Variants in WWOX observed in about 807,000 individuals in gnomAD.
WWOX encodes the protein WW domain containing oxidoreductase.
A neutral mutation model predicts 46.2 loss-of-function variants in WWOX; 69 were observed. The ratio of observed to expected loss-of-function variants is 1.49; its 90% CI spans 1.23 to 1.82. The LOEUF (loss-of-function observed/expected upper bound fraction) is 1.82, where lower values mean the gene tolerates loss of function less well. Among genes scored for constraint, WWOX ranks in the 40% most tolerant of loss-of-function variants. WWOX has a pLI of 0.00. For synonymous variants in WWOX, 359 were observed against 202.6 expected (o/e 1.77, Z -6.56); for missense variants, 919 against 542.6 (o/e 1.69, Z -6.89).
chr16:78,403,642 C>G (rs907754245), intron 6 of WWOX, among the ~76,000 whole-genome samples: 2 of 152,184 alleles, frequency 1.3e-5, no homozygotes, highest in Non-Finnish European at 1.5e-5. Flanking sequence ...GCACTATTGA[C>G]AAATACCAGT....
At chr16:78,706,803 A>G (rs1023682656) in intron 8 of WWOX, among the ~76,000 whole-genome samples, 2 of 151,698 alleles carry the variant, frequency 1.3e-5, no homozygotes, top group African/African-American at 4.8e-5. Flanking sequence ...GATACAAACT[A>G]CCTTTTTTTT....
At chr16:79,058,262 T>G (rs1372363308) in intron 8 of WWOX, among the ~76,000 whole-genome samples, 1 of 152,170 alleles carries the variant, frequency 6.6e-6, no homozygotes, top group Non-Finnish European at 1.5e-5. Context: ...TTTGCATCTC[T>G]GAGCCTCTAT....
intron 8 of WWOX, chr16:79,017,551 G>A (rs1426363070): frequency 6.6e-6 from 1 of 150,710 alleles, no homozygotes; most frequent in African/African-American, 2.4e-5. Context: ...GGCTTTGCAG[G>A]CCCTATGACG....
rs886201394 is a variant in WWOX, at chr16:78,125,668, C to T, written c.409+10514C>T. 3.9e-5 allele frequency among the ~76,000 whole-genome samples: 6 copies of T among 152,162 alleles called. 1 individual carries two copies. The South Asian group carries it at 1.2e-3, about 32-fold the overall frequency. On this transcript the variant is annotated intron_variant, in intron 4 of 8. Transcript: ENST00000566780. ...CTTGAGCTCAGGGGTTCGAGAGCAG[C>T]CTGGGCAACATAGCAAGACCCCATC...
chr16:78,300,725 T>A (rs2080025575), intron 5 of WWOX, among the ~76,000 whole-genome samples: 1 of 152,286 alleles, frequency 6.6e-6, no homozygotes, highest in African/African-American at 2.4e-5. Flanking sequence ...CAAGATAACG[T>A]TTTTTTCTCC....
intron 5 of WWOX, among the ~76,000 whole-genome samples, chr16:78,373,330 C>A (rs1467339187): frequency 6.6e-6 from 1 of 152,162 alleles, no homozygotes; most frequent in African/African-American, 2.4e-5. Context: ...AGTAGGATAT[C>A]CAAGCTCATT....
chr16:79,139,003 C>A (rs2050036133), intron 8 of WWOX, among the ~76,000 whole-genome samples: 1 of 152,092 alleles, frequency 6.6e-6, no homozygotes, highest in African/African-American at 2.4e-5. Context: ...GTATTGATGA[C>A]CTTTCTCTCC....
At chr16:78,784,460 G>C (rs916894989) in intron 8 of WWOX, among the ~76,000 whole-genome samples, 1 of 151,926 alleles carries the variant, frequency 6.6e-6, no homozygotes, top group Non-Finnish European at 1.5e-5. Flanking sequence ...ACCCATTAGG[G>C]ATTATTAATA....
rs768904294 is a variant in WWOX, at chr16:78,432,738, T to C, written c.1042T>C (p.Phe348Leu). The change falls in exon 8 of 9, where the codon TTC becomes CTC. Residue 348 changes from phenylalanine to leucine, a missense_variant. Physicochemically the swap from Phe to Leu is conservative, Grantham distance 22. Transcript: ENST00000566780. Reference protein sequence around the residue: ...YTLLFTLARPFTKSMQQGAAT... With the variant: ...YTLLFTLARPLTKSMQQGAAT... ...ACTGCTGTTTACCTTGGCGAGGCCT[T>C]TCACCAAGTCCATGGTAAGAGAACA... The C allele has an allele frequency of 6.2e-7, 1 of 1,614,180 alleles. No homozygotes were observed. Among genetic ancestry groups the C allele is most frequent in the Admixed American group, 1.7e-5 (1 of 60,016 alleles).
intron 8 of WWOX, among the ~76,000 whole-genome samples, chr16:78,779,082 A>G (rs893838449): frequency 2.1e-5 from 3 of 144,052 alleles, no homozygotes; most frequent in South Asian, 4.7e-4. Flanking sequence ...AGATCACTCT[A>G]TCGCCTAAAA....
chr16:79,025,621 C>T (rs2047622715), intron 8 of WWOX, among the ~76,000 whole-genome samples: 2 of 152,090 alleles, frequency 1.3e-5, no homozygotes, highest in Admixed American at 1.3e-4. Flanking sequence ...AGCCTTCTCA[C>T]ACCTAGACTT....
chr16:78,326,262 A>G lies in WWOX; in HGVS notation c.517-60598A>G, dbSNP rs566455776. Among the ~76,000 whole-genome samples, 124 of 152,326 alleles carry G rather than the reference A, an allele frequency of 8.1e-4. 1 individual carries two copies. Among genetic ancestry groups the G allele is most frequent in the African/African-American group, 2.8e-3 (118 of 41,566 alleles). On this transcript the variant is annotated intron_variant, in intron 5 of 8. Transcript: ENST00000566780. ...AGGGCAAAACACAACGGTTGCTGTC[A>G]TTTGATGCTTTATGTTAAGTGTGCA... is the stretch of plus-strand genomic sequence containing the variant.
intron 8 of WWOX, among the ~76,000 whole-genome samples, chr16:78,955,333 C>A (rs117893490): frequency 2.0e-5 from 3 of 152,136 alleles, no homozygotes; most frequent in Non-Finnish European, 2.9e-5. Flanking sequence ...CAGTGAAATC[C>A]GTTGAGAGGA....
chr16:78,569,362 G>T (rs999165941), intron 8 of WWOX, among the ~76,000 whole-genome samples: 3 of 152,104 alleles, frequency 2.0e-5, no homozygotes, highest in African/African-American at 7.2e-5. Flanking sequence ...ATTTGAGTTG[G>T]TTTAAAATAT....
At chr16:78,842,913 G>C (rs2052199228) in intron 8 of WWOX, among the ~76,000 whole-genome samples, 1 of 149,732 alleles carries the variant, frequency 6.7e-6, no homozygotes, top group South Asian at 2.2e-4. Context: ...ACGCTCTCTA[G>C]AAAAAAGAAA....
chr16:78,836,624 C>G (rs11864768), intron 8 of WWOX, among the ~76,000 whole-genome samples: 2 of 152,162 alleles, frequency 1.3e-5, no homozygotes, highest in African/African-American at 4.8e-5. Context: ...TCATTTAATT[C>G]TTGCTACCAT....
chr16:78,531,877 A>G (rs1287084044), intron 8 of WWOX, among the ~76,000 whole-genome samples: 2 of 152,234 alleles, frequency 1.3e-5, no homozygotes, highest in Middle Eastern at 3.4e-3. Flanking sequence ...AAACAAATAA[A>G]TAAATAAAAA....
chr16:78,968,756 G>T (rs1027158905), intron 8 of WWOX, among the ~76,000 whole-genome samples: 6 of 152,030 alleles, frequency 3.9e-5, no homozygotes, highest in Admixed American at 2.0e-4. Flanking sequence ...GGAATCATTA[G>T]CATGGTGAAG....
intron 5 of WWOX, among the ~76,000 whole-genome samples, chr16:78,336,084 T>C (rs1269193929): frequency 6.6e-6 from 1 of 150,828 alleles, no homozygotes; most frequent in Non-Finnish European, 1.5e-5. Flanking sequence ...AGAGCCAGAG[T>C]CTGTCTCAAA....
Sources: allele counts gnomAD v4.1 joint callset (sites outside exome capture counted in the v4.1 genomes callset), GRCh38; gene constraint gnomAD v4.1.1; transcripts MANE v1.5; gene names NCBI Gene and HGNC (gene_info 2026-07-23, HGNC 2026-07-21).